CPNE5: variants seen among roughly 807,000 people sequenced by gnomAD.
The protein encoded by CPNE5 is copine 5, also known as copine-5.
A neutral mutation model predicts 81.1 loss-of-function variants in CPNE5; 42 were observed. That is an observed-to-expected ratio of 0.52 (90% CI 0.40 to 0.67). CPNE5 has a LOEUF of 0.67. Ranked by LOEUF, CPNE5 falls within the 30% of genes least tolerant of loss-of-function variation. The pLI, the probability that CPNE5 is intolerant of heterozygous loss-of-function variation, is 0.00. For synonymous variants in CPNE5, 313 were observed against 321.5 expected (o/e 0.97, Z 0.28); for missense variants, 612 against 815.5 (o/e 0.75, Z 3.04).
intron 3 of CPNE5, among the ~76,000 whole-genome samples, chr6:36,808,666 A>G (rs1357862984): frequency 6.6e-6 from 1 of 152,160 alleles, no homozygotes; most frequent in African/African-American, 2.4e-5. Flanking sequence ...CTCCAGATGG[A>G]GGACAGAAGG....
At chr6:36,827,869 C>A in intron 1 of CPNE5, 2 of 449,654 alleles carry the variant, frequency 4.4e-6, no homozygotes, top group Non-Finnish European at 5.3e-6. Flanking sequence ...GCAGGAAAAA[C>A]GTATTTTTTT....
chr6:36,802,944 G>A (rs760227983), intron 3 of CPNE5, among the ~76,000 whole-genome samples: 1 of 152,158 alleles, frequency 6.6e-6, no homozygotes. Context: ...TATAGTCCCA[G>A]ATATTTGGGA....
At chr6:36,823,676 A>G (rs1270096895) in intron 1 of CPNE5, among the ~76,000 whole-genome samples, 1 of 152,232 alleles carries the variant, frequency 6.6e-6, no homozygotes, top group East Asian at 1.9e-4. Context: ...TGGACGGCAC[A>G]GCAGCAAGAT....
At chr6:36,750,568 G>A (rs1428267309) in intron 14 of CPNE5, among the ~76,000 whole-genome samples, 2 of 152,188 alleles carry the variant, frequency 1.3e-5, no homozygotes, top group Non-Finnish European at 2.9e-5. Context: ...CCATCCCACA[G>A]ATGAAAAACA....
In CPNE5 at chr6:36,766,498, C is replaced by T. The variant is rs1392024326; in HGVS notation, c.738-1122G>A. On this transcript the variant is annotated intron_variant, in intron 10 of 20. Coordinates refer to ENST00000244751, the MANE Select transcript of CPNE5 (RefSeq NM_020939.2). The surrounding 1 kb of genome is among the most constrained non-coding windows in gnomAD (Gnocchi z 4.2). ...ACAATGAGGCAGGCATGGAAGCCCACCATTTAAAGGAATCCTTTAGATTCT... is the reference window on the plus strand; with the variant it reads ...ACAATGAGGCAGGCATGGAAGCCCATCATTTAAAGGAATCCTTTAGATTCT... Among the ~76,000 whole-genome samples the T allele has an allele frequency of 2.0e-5, 3 of 152,242 alleles. No homozygotes were observed. Among genetic ancestry groups the T allele is most frequent in the South Asian group, 2.1e-4 (1 of 4,818 alleles).
At chr6:36,822,008 G>C in intron 3 of CPNE5, 106 bp downstream of exon 3, 12 of 1,039,504 alleles carry the variant, frequency 1.2e-5, no homozygotes, top group Non-Finnish European at 1.5e-5. Flanking sequence ...AGCGGGGCTT[G>C]GATGCTGCAG....
rs1487643180 is a variant in CPNE5 at position 36,746,259 on chromosome 6, A to G, written c.1200+137T>C. The G allele has an allele frequency of 7.0e-7, 1 of 1,420,392 alleles. No homozygotes were observed. The highest frequency in any genetic ancestry group is 9.2e-7 in the Non-Finnish European group (1 of 1,090,744). 88.0% of individuals were successfully genotyped at this position (1,420,392 alleles called of 1,614,324 possible). Reference sequence around the variant, plus strand: ...GTGGATTTCTGGAGCCCCCCTACACACAGCAGGCAGTCTACCTCCACTGAG... The same window carrying G: ...GTGGATTTCTGGAGCCCCCCTACACGCAGCAGGCAGTCTACCTCCACTGAG... On this transcript the variant is annotated intron_variant, in intron 16 of 20. Transcript: ENST00000244751. This position sits in a 1 kb window ranked among gnomAD's most constrained non-coding sequence, Gnocchi z 4.5.
intron 1 of CPNE5, among the ~76,000 whole-genome samples, chr6:36,826,457 C>A (rs1346946369): frequency 2.6e-5 from 4 of 152,224 alleles, no homozygotes; most frequent in African/African-American, 7.2e-5. Flanking sequence ...TTTTGCCTTT[C>A]CTGGACACTG....
At chr6:36,817,702 C>G (rs1243985910) in intron 3 of CPNE5, among the ~76,000 whole-genome samples, 2 of 152,164 alleles carry the variant, frequency 1.3e-5, no homozygotes, top group Non-Finnish European at 2.9e-5. Context: ...GTTGACTGCC[C>G]CAATGGTCTG....
chr6:36,761,096 G>T (rs1765975758), intron 12 of CPNE5, among the ~76,000 whole-genome samples: 2 of 152,182 alleles, frequency 1.3e-5, no homozygotes, highest in South Asian at 4.1e-4. Flanking sequence ...CTCCTTCTGG[G>T]CCTGTCAAGC....
chr6:36,773,919 A>T (rs1029167500), intron 10 of CPNE5, among the ~76,000 whole-genome samples: 3 of 152,114 alleles, frequency 2.0e-5, no homozygotes, highest in Non-Finnish European at 4.4e-5. Context: ...ACAAAAAATT[A>T]GCCGGGCGTG....
intron 10 of CPNE5, among the ~76,000 whole-genome samples, chr6:36,771,351 C>T (rs894954466): frequency 6.6e-6 from 1 of 152,194 alleles, no homozygotes; most frequent in Non-Finnish European, 1.5e-5. Context: ...GTTCTACCAC[C>T]GGCTGGCAGC....
chr6:36,799,082 G>C (rs1366253808), intron 4 of CPNE5, among the ~76,000 whole-genome samples: 1 of 152,038 alleles, frequency 6.6e-6, no homozygotes, highest in South Asian at 2.1e-4. Context: ...CCTGCTCACC[G>C]GGGGCCTGAT....
At chr6:36,792,973 C>G (rs1204297839) in intron 7 of CPNE5, among the ~76,000 whole-genome samples, 1 of 152,096 alleles carries the variant, frequency 6.6e-6, no homozygotes, top group Admixed American at 6.5e-5. Flanking sequence ...CCTCTCTGAG[C>G]CTCAGTTTTC....
chr6:36,808,155 A>G (rs1396232534), intron 3 of CPNE5, among the ~76,000 whole-genome samples: 8 of 151,028 alleles, frequency 5.3e-5, no homozygotes, highest in Admixed American at 5.3e-4. Context: ...CAGTGGCGCG[A>G]TCTTGGCTCA....
intron 3 of CPNE5, among the ~76,000 whole-genome samples, chr6:36,807,935 A>G (rs571295890): frequency 1.6e-4 from 24 of 152,184 alleles, no homozygotes; most frequent in Admixed American, 3.3e-4. Context: ...CCAGCAGGGA[A>G]GGAAACAAAA....
chr6:36,755,586 T>A (rs1020471625), intron 13 of CPNE5: 2 of 151,786 alleles, frequency 1.3e-5, no homozygotes, highest in Non-Finnish European at 2.9e-5. Flanking sequence ...GGGATTTGGG[T>A]CTGTCTTGTT....
intron 1 of CPNE5, among the ~76,000 whole-genome samples, chr6:36,828,308 CAAAAAAA>C (rs11444450): frequency 2.5e-5 from 2 of 78,612 alleles, no homozygotes; most frequent in East Asian, 3.6e-4. Context: ...AACAACAAAC[CAAAAAAA>C]AAAAAAAAAA....
At chr6:36,768,980 G>T (rs961040383) in intron 10 of CPNE5, among the ~76,000 whole-genome samples, 2 of 152,134 alleles carry the variant, frequency 1.3e-5, no homozygotes, top group Non-Finnish European at 2.9e-5. Context: ...CTATCTCCAC[G>T]TACAGTCAGC....
Sources: gnomAD v4.1 joint callset for allele counts (sites outside exome capture counted in the v4.1 genomes callset) on GRCh38, gnomAD v4.1.1 for gene constraint, Gnocchi (gnomAD v3.1) non-coding constraint, MANE v1.5 for transcripts, NCBI Gene and HGNC (gene_info 2026-07-23, HGNC 2026-07-21) for gene names.